Variants in SCUBE1 observed in about 807,000 individuals in gnomAD.
The protein encoded by SCUBE1 is signal peptide, CUB domain and EGF like domain containing 1, also known as signal peptide, CUB and EGF-like domain-containing protein 1.
In SCUBE1, 59 loss-of-function variants were observed where a neutral mutation model predicts 124.4. The ratio of observed to expected loss-of-function variants is 0.47; its 90% CI spans 0.38 to 0.59. The LOEUF (loss-of-function observed/expected upper bound fraction) is 0.59. Among genes scored for constraint, SCUBE1 ranks in the 20% least tolerant of loss-of-function variants. The pLI is 0.00. For missense variants in SCUBE1, 1,150 were observed against 1,371.2 expected (o/e 0.84, Z 2.55); for synonymous variants, 545 against 550.9 (o/e 0.99, Z 0.15).
At position 43,258,207 on chromosome 22, in the gene SCUBE1, G is replaced by A; in HGVS notation, c.727+12C>T. The stretch of plus-strand genomic sequence containing the variant: ...GGCGCAAGGGTGGTGTGTGGCAGAG[G>A]TGCCTACTTACCGATGCACGTGCGA... On this transcript the variant is annotated intron_variant, in intron 6 of 21. Transcript: ENST00000360835. The surrounding 1 kb of genome is among the most constrained non-coding windows in gnomAD (Gnocchi z 5.0). 6.3e-7 allele frequency: 1 copy of A among 1,586,924 alleles called. No individual in the cohort carries two copies. The highest frequency in any genetic ancestry group is 8.6e-7 in the Non-Finnish European group (1 of 1,156,184).
intron 2 of SCUBE1, among the ~76,000 whole-genome samples, chr22:43,324,756 C>A (rs1004140969): frequency 6.6e-6 from 1 of 151,534 alleles, no homozygotes; most frequent in African/African-American, 2.4e-5. Context: ...GAGAAACAGG[C>A]AGGTGGAGCA....
chr22:43,322,520 C>T (rs1361880232), intron 2 of SCUBE1, among the ~76,000 whole-genome samples: 6 of 152,160 alleles, frequency 3.9e-5, no homozygotes, highest in Admixed American at 1.3e-4. Context: ...CAGCTACCAA[C>T]GCGTGGTTTT....
chr22:43,218,533 C>A (rs1237012424), intron 14 of SCUBE1, 75 bp from the exon 15 acceptor site: 23 of 1,515,320 alleles, frequency 1.5e-5, no homozygotes, highest in Non-Finnish European at 1.9e-5. Flanking sequence ...TGAGGGCTCC[C>A]CCGTGCCAGG....
chr22:43,221,340 AGGT>A (rs766836142), intron 12 of SCUBE1, 51 bp from the exon 13 acceptor site: 2 of 499,804 alleles, frequency 4.0e-6, no homozygotes, highest in East Asian at 7.5e-5. Context: ...GCAGGCAAGG[AGGT>A]GGTGGGGGAC....
intron 4 of SCUBE1, among the ~76,000 whole-genome samples, chr22:43,265,930 G>A (rs976998842): frequency 6.6e-6 from 1 of 152,002 alleles, no homozygotes; most frequent in African/African-American, 2.4e-5. Flanking sequence ...GTAAAACCCC[G>A]TCTCTACTAA....
At chr22:43,295,617 G>A (rs1404484437) in intron 3 of SCUBE1, among the ~76,000 whole-genome samples, 2 of 152,218 alleles carry the variant, frequency 1.3e-5, no homozygotes. Context: ...CATGCTCTAG[G>A]AATCCGCTGC....
intron 3 of SCUBE1, among the ~76,000 whole-genome samples, chr22:43,309,173 G>A (rs1926085909): frequency 6.6e-6 from 1 of 152,246 alleles, no homozygotes; most frequent in Admixed American, 6.5e-5. Flanking sequence ...CTGTGTTCTG[G>A]CTTTGCACAC....
intron 3 of SCUBE1, among the ~76,000 whole-genome samples, chr22:43,298,589 C>T (rs1436755515): frequency 6.6e-6 from 1 of 152,238 alleles, no homozygotes; most frequent in East Asian, 1.9e-4. Context: ...CCTTCCAGCC[C>T]AGCCGCTGCC....
intron 6 of SCUBE1, among the ~76,000 whole-genome samples, chr22:43,242,249 T>C (rs1923034900): frequency 6.6e-6 from 1 of 152,132 alleles, no homozygotes; most frequent in African/African-American, 2.4e-5. Flanking sequence ...GCCCCTGCCT[T>C]CCATGACAAC....
intron 4 of SCUBE1, chr22:43,270,280 A>G (rs572640946): frequency 6.6e-6 from 1 of 152,360 alleles, no homozygotes; most frequent in East Asian, 1.9e-4. Context: ...TGTATCTGCA[A>G]ATGTTCCCAA....
chr22:43,329,237 C>T (rs1926825596), intron 2 of SCUBE1, among the ~76,000 whole-genome samples: 1 of 152,242 alleles, frequency 6.6e-6, no homozygotes, highest in Non-Finnish European at 1.5e-5. Flanking sequence ...ACAGACTGGC[C>T]AGGACCAGGT....
At chr22:43,259,497 C>T (rs1432359518) in intron 5 of SCUBE1, among the ~76,000 whole-genome samples, 8 of 152,206 alleles carry the variant, frequency 5.3e-5, no homozygotes, top group Admixed American at 5.2e-4. Context: ...CAGCTGGTAC[C>T]AGAGGGAAGT....
At chr22:43,265,628 C>T (rs1199237482) in intron 4 of SCUBE1, among the ~76,000 whole-genome samples, 7 of 152,196 alleles carry the variant, frequency 4.6e-5, no homozygotes, top group Non-Finnish European at 8.8e-5. Flanking sequence ...GAGCAAGGGA[C>T]GGGCCAGTGA....
At chr22:43,280,731 TTCCTCCTCGGCCACCCTCCTGTCAC>T (rs1569009758) in intron 4 of SCUBE1, among the ~76,000 whole-genome samples, 10 of 72,526 alleles carry the variant, frequency 1.4e-4, no homozygotes, top group Non-Finnish European at 1.8e-4. Flanking sequence ...TCCTGTCACC[TTCCTCCTCGGCCACCCTCCTGTCAC>T]CTCCCTCATT....
chr22:43,325,209 A>C (rs1291696774), intron 2 of SCUBE1, among the ~76,000 whole-genome samples: 1 of 151,966 alleles, frequency 6.6e-6, no homozygotes, highest in Non-Finnish European at 1.5e-5. Flanking sequence ...CAGTGGTTGC[A>C]TTCAAGTGCA....
At chr22:43,205,171 G>C (rs779022351) in intron 21 of SCUBE1, among the ~76,000 whole-genome samples, 4 of 152,094 alleles carry the variant, frequency 2.6e-5, no homozygotes, top group Admixed American at 2.6e-4. Flanking sequence ...GCCTCTTCCC[G>C]GGGCTGCGAG....
chr22:43,339,179 T>A lies in SCUBE1; in HGVS notation c.145A>T (p.Ile49Phe). 6.2e-7 allele frequency: 1 copy of A among 1,613,868 alleles called. No homozygotes were observed. Among genetic ancestry groups the A allele is most frequent in the Non-Finnish European group, 8.5e-7 (1 of 1,179,798 alleles). The change falls in exon 2 of 22, where the codon ATC (isoleucine) becomes TTC (phenylalanine). Residue 49 changes from isoleucine to phenylalanine, a missense_variant. By Grantham distance (21) the Ile-to-Phe change is conservative (BLOSUM62 0). Transcript: ENST00000360835. Reference sequence around the variant, plus strand: ...TAGGACTTGGGCGTGTTCTGACAGATGGCATCGATGTGGCAGTCATCTGTG... The same window carrying A: ...TAGGACTTGGGCGTGTTCTGACAGAAGGCATCGATGTGGCAGTCATCTGTG... Reference protein sequence around the residue: ...EGTDDCHIDAICQNTPKSYKC... With the variant: ...EGTDDCHIDAFCQNTPKSYKC...
chr22:43,297,187 CCG>C (rs1925596103), intron 3 of SCUBE1, among the ~76,000 whole-genome samples: 1 of 152,248 alleles, frequency 6.6e-6, no homozygotes, highest in South Asian at 2.1e-4. Flanking sequence ...GCCACCTTGC[CCG>C]TCCATCTCCC....
chr22:43,210,989 G>A lies in SCUBE1; in HGVS notation c.2316C>T (p.His772=). Residue 772 remains histidine (H), a synonymous_variant, in exon 18 of 22, where the codon CAC becomes CAT. Transcript: ENST00000360835. The surrounding 1 kb of genome is among the most constrained non-coding windows in gnomAD (Gnocchi z 4.5). ...GTYQPEFGQN[H]CITCPGNTST... Reference sequence around the variant, plus strand: ...TGGTGTTGCCCGGACAGGTGATGCAGTGGTTCTGGCCAAACTCGGGCTGGT... The same window carrying A: ...TGGTGTTGCCCGGACAGGTGATGCAATGGTTCTGGCCAAACTCGGGCTGGT... The A allele has an allele frequency of 1.2e-6, 2 of 1,614,166 alleles. No individual in the cohort carries two copies. Among genetic ancestry groups the A allele is most frequent in the Non-Finnish European group, 1.7e-6 (2 of 1,180,028 alleles).
Sources: allele counts gnomAD v4.1 joint callset (sites outside exome capture counted in the v4.1 genomes callset), GRCh38; gene constraint gnomAD v4.1.1; non-coding constraint Gnocchi (gnomAD v3.1); transcripts MANE v1.5; gene names NCBI Gene and HGNC (gene_info 2026-07-23, HGNC 2026-07-21).